SLC16A10: variants seen among roughly 807,000 people sequenced by gnomAD.
SLC16A10 encodes solute carrier family 16 member 10.
In SLC16A10, 27 loss-of-function variants were observed where a neutral mutation model predicts 40.0. That is an observed-to-expected ratio of 0.67 (90% CI 0.50 to 0.93). The LOEUF is 0.93. Among genes scored for constraint, SLC16A10 ranks in the 40% least tolerant of loss-of-function variants. SLC16A10 has a pLI of 0.00. For synonymous variants in SLC16A10, 213 were observed against 249.8 expected (o/e 0.85, Z 1.39); for missense variants, 529 against 658.2 (o/e 0.80, Z 2.15).
In SLC16A10 at chr6:111,167,645, T is replaced by TTTATTTATTG. The variant is rs1554259349; in HGVS notation, c.344-5049_344-5048insTATTTATTGT. On this transcript the variant is annotated intron_variant, in intron 1 of 5. Coordinates refer to ENST00000368851, the MANE Select transcript of SLC16A10 (RefSeq NM_018593.5). ...TGTTATTTATTTATTTATTTATTTA[T>TTTATTTATTG]TGTGTGTGTGTGTATGTGAGAGAGA... Among the ~76,000 whole-genome samples the TTTATTTATTG allele has an allele frequency of 4.7e-5, 7 of 149,354 alleles. No individual in the cohort carries two copies. The East Asian group carries it at 5.9e-4, about 13-fold the overall frequency.
At chr6:111,178,465 C>A (rs537675164) in intron 3 of SLC16A10, 1 of 530,392 alleles carries the variant, frequency 1.9e-6, no homozygotes, top group South Asian at 1.4e-5. Context: ...GTTGGTGCCT[C>A]ACGCCTGTAA....
intron 4 of SLC16A10, among the ~76,000 whole-genome samples, chr6:111,210,967 G>A (rs1583364990): frequency 6.6e-6 from 1 of 151,266 alleles, no homozygotes. Context: ...AGGTTGCAGT[G>A]AGCCGAGATC....
At chr6:111,122,305 G>T (rs1306899226) in intron 1 of SLC16A10, among the ~76,000 whole-genome samples, 1 of 152,210 alleles carries the variant, frequency 6.6e-6, no homozygotes, top group Non-Finnish European at 1.5e-5. Context: ...TTCCTTGGAA[G>T]CCCACCTAAA....
At chr6:111,151,565 C>T (rs1411882048) in intron 1 of SLC16A10, among the ~76,000 whole-genome samples, 1 of 152,324 alleles carries the variant, frequency 6.6e-6, no homozygotes, top group Non-Finnish European at 1.5e-5. Flanking sequence ...CCCCTATGAG[C>T]ATTCTGTTCT....
chr6:111,175,413 T>C (rs192790038), intron 2 of SLC16A10, among the ~76,000 whole-genome samples: 42 of 152,350 alleles, frequency 2.8e-4, no homozygotes, highest in Middle Eastern at 6.8e-3. Context: ...GTGATACCAC[T>C]GTACAGGAAC....
At chr6:111,090,315 C>CA in intron 1 of SLC16A10, among the ~76,000 whole-genome samples, 1 of 152,254 alleles carries the variant, frequency 6.6e-6, no homozygotes, top group Admixed American at 6.5e-5. Context: ...ATGGTTGTGC[C>CA]ATTGCACAAG....
chr6:111,138,570 C>A (rs1299713545), intron 1 of SLC16A10, among the ~76,000 whole-genome samples: 1 of 152,182 alleles, frequency 6.6e-6, no homozygotes, highest in Non-Finnish European at 1.5e-5. Context: ...TCCTCCCTGT[C>A]CTGCAGGGTT....
At chr6:111,199,827 T>TAAAAAAA (rs35253168) in intron 3 of SLC16A10, among the ~76,000 whole-genome samples, 1 of 148,838 alleles carries the variant, frequency 6.7e-6, no homozygotes. Context: ...CAGGGAAATT[T>TAAAAAAA]AAAAAAAAAA....
At chr6:111,216,505 G>A (rs990645372) in intron 4 of SLC16A10, among the ~76,000 whole-genome samples, 1 of 151,632 alleles carries the variant, frequency 6.6e-6, no homozygotes, top group African/African-American at 2.4e-5. Flanking sequence ...CTGGGTTGAC[G>A]CCATTCTCCT....
chr6:111,183,519 G>C (rs1378971562), intron 3 of SLC16A10, among the ~76,000 whole-genome samples: 1 of 152,198 alleles, frequency 6.6e-6, no homozygotes, highest in East Asian at 1.9e-4. Flanking sequence ...GGGTGAGTCT[G>C]AAGTGACACT....
intron 3 of SLC16A10, among the ~76,000 whole-genome samples, chr6:111,193,026 A>G (rs139917619): frequency 6.6e-6 from 1 of 152,050 alleles, no homozygotes; most frequent in East Asian, 1.9e-4. Context: ...TCTTCTTATT[A>G]CCTTTTTTTT....
At chr6:111,216,657 C>T (rs1420736048) in intron 4 of SLC16A10, among the ~76,000 whole-genome samples, 12 of 151,728 alleles carry the variant, frequency 7.9e-5, no homozygotes, top group Non-Finnish European at 1.5e-4. Context: ...CCTCGTGATC[C>T]GCCCTCCTCA....
chr6:111,138,773 A>G (rs1771928771), intron 1 of SLC16A10, among the ~76,000 whole-genome samples: 1 of 152,028 alleles, frequency 6.6e-6, no homozygotes, highest in African/African-American at 2.4e-5. Context: ...GGCCTGCACC[A>G]CTGTGCCTGG....
intron 5 of SLC16A10, among the ~76,000 whole-genome samples, chr6:111,220,010 G>T (rs138737531): frequency 6.6e-6 from 1 of 152,154 alleles, no homozygotes; most frequent in Non-Finnish European, 1.5e-5. Flanking sequence ...GATCTATTGC[G>T]CCTGGGAGAT....
chr6:111,195,237 A>G (rs1773060457), intron 3 of SLC16A10, among the ~76,000 whole-genome samples: 1 of 152,242 alleles, frequency 6.6e-6, no homozygotes, highest in African/African-American at 2.4e-5. Flanking sequence ...TACAACATGG[A>G]TGAACCATGA....
chr6:111,160,386 G>A (rs1366238164), intron 1 of SLC16A10, among the ~76,000 whole-genome samples: 1 of 152,206 alleles, frequency 6.6e-6, no homozygotes, highest in African/African-American at 2.4e-5. Context: ...TTACAGGCAT[G>A]TGCCACCATG....
chr6:111,179,236 T>A (rs1328796666), intron 3 of SLC16A10, among the ~76,000 whole-genome samples: 1 of 152,220 alleles, frequency 6.6e-6, no homozygotes, highest in Non-Finnish European at 1.5e-5. Flanking sequence ...GATGACTGTC[T>A]AGTTATTTTT....
chr6:111,132,199 G>GAGAGAC (rs891604585), intron 1 of SLC16A10, among the ~76,000 whole-genome samples: 42 of 152,266 alleles, frequency 2.8e-4, no homozygotes, highest in Middle Eastern at 6.8e-3. Context: ...GAGAGAGAGA[G>GAGAGAC]AGAGACAGAG....
In SLC16A10 at chr6:111,122,198, G is replaced by C. The variant is rs200324308; in HGVS notation, c.343+34103G>C. Among the ~76,000 whole-genome samples, 7 of 152,298 alleles carry C rather than the reference G, an allele frequency of 4.6e-5. No individual in the cohort carries two copies. The East Asian group carries it at 9.7e-4, about 21-fold the overall frequency. ...GGTCATTTTATCCCAGGCTGGCAGCGTGCTGGCATATTGATGAGCAGCTGC... is the reference window on the plus strand; with the variant it reads ...GGTCATTTTATCCCAGGCTGGCAGCCTGCTGGCATATTGATGAGCAGCTGC... On this transcript the variant is annotated intron_variant, in intron 1 of 5. Transcript: ENST00000368851.
Sources: allele counts gnomAD v4.1 joint callset (sites outside exome capture counted in the v4.1 genomes callset), GRCh38; gene constraint gnomAD v4.1.1; transcripts MANE v1.5; gene names NCBI Gene and HGNC (gene_info 2026-07-23, HGNC 2026-07-21).